Variants in SGCD observed in about 807,000 individuals in gnomAD.
SGCD encodes sarcoglycan delta, also known as delta-sarcoglycan.
A neutral mutation model predicts 36.6 loss-of-function variants in SGCD; 18 were observed. The ratio of observed to expected loss-of-function variants is 0.49; its 90% confidence interval spans 0.34 to 0.73. SGCD has a LOEUF of 0.73. Among genes scored for constraint, SGCD ranks in the 30% least tolerant of loss-of-function variants. SGCD has a pLI of 0.01. For synonymous variants in SGCD, 133 were observed against 130.6 expected, an observed-to-expected ratio of 1.02 and a Z score of -0.12; for missense variants, 387 against 346.7, an observed-to-expected ratio of 1.12 and a Z score of -0.92.
intron 6 of SGCD, among the ~76,000 whole-genome samples, chr5:156,637,441 G>A (rs917225756): frequency 1.3e-5 from 2 of 152,090 alleles, no homozygotes; most frequent in Admixed American, 1.3e-4. Context: ...TTTTCTCATG[G>A]TCAGAAGATG....
At chr5:156,444,107 TCTCTCTCTCCCCTTCC>T (rs1561699364) in intron 3 of SGCD, among the ~76,000 whole-genome samples, 4 of 102,338 alleles carry the variant, frequency 3.9e-5, no homozygotes, top group East Asian at 3.3e-4. Context: ...TCTCTCTCTC[TCTCTCTCTCCCCTTCC>T]CTCTCTCTCT....
intron 3 of SGCD, among the ~76,000 whole-genome samples, chr5:156,412,271 C>A (rs556453322): frequency 6.6e-6 from 1 of 152,176 alleles, no homozygotes; most frequent in African/African-American, 2.4e-5. Flanking sequence ...TTAGCGTGAG[C>A]CTCAGTTGAC....
At chr5:155,985,823 T>A (rs1416413250) in intron 1 of SGCD, among the ~76,000 whole-genome samples, 1 of 152,232 alleles carries the variant, frequency 6.6e-6, no homozygotes, top group Admixed American at 6.5e-5. Context: ...CCTGAGGAAC[T>A]GGTGGACAGT....
chr5:156,603,808 T>TA lies in SGCD; in HGVS notation c.502+8758dup, dbSNP rs780876559. 1.9e-4 allele frequency among the ~76,000 whole-genome samples: 29 copies of TA among 152,064 alleles called. 1 individual carries two copies. Among genetic ancestry groups the TA allele is most frequent in the Admixed American group, 1.8e-3 (27 of 15,278 alleles). On this transcript the variant is annotated intron_variant, in intron 6 of 8. Transcript: ENST00000337851. ...TTCTTTGTTAAGACTTGTTTTGTGG[T>TA]ATAACATGTGATCTATTTTGGAGAA...
intron 1 of SGCD, among the ~76,000 whole-genome samples, chr5:156,033,920 A>G (rs1291199085): frequency 6.6e-6 from 1 of 152,178 alleles, no homozygotes; most frequent in African/African-American, 2.4e-5. Flanking sequence ...TGCCAGCCAA[A>G]TCAAACTGTT....
chr5:156,137,509 G>A (rs939994473), intron 3 of SGCD, among the ~76,000 whole-genome samples: 6 of 151,828 alleles, frequency 4.0e-5, no homozygotes, highest in African/African-American at 9.7e-5. Flanking sequence ...AGTAGGTCTC[G>A]GTTTCTTCAT....
chr5:156,448,418 T>C (rs1051411107), intron 3 of SGCD, among the ~76,000 whole-genome samples: 1 of 152,174 alleles, frequency 6.6e-6, no homozygotes, highest in African/African-American at 2.4e-5. Flanking sequence ...ACCGTGAGGA[T>C]AAGAAGTAGT....
intron 3 of SGCD, among the ~76,000 whole-genome samples, chr5:156,211,235 A>G (rs374128936): frequency 6.6e-6 from 1 of 152,126 alleles, no homozygotes; most frequent in East Asian, 1.9e-4. Flanking sequence ...GGAGAGAGAA[A>G]GTCTTTCCCA....
At chr5:155,944,394 G>C (rs1421193119) in intron 1 of SGCD, among the ~76,000 whole-genome samples, 1 of 152,164 alleles carries the variant, frequency 6.6e-6, no homozygotes, top group Non-Finnish European at 1.5e-5. Flanking sequence ...GGCATGTGCT[G>C]TGCATTTATC....
intron 1 of SGCD, among the ~76,000 whole-genome samples, chr5:156,106,623 C>T (rs1161447337): frequency 3.3e-4 from 50 of 152,140 alleles, no homozygotes; most frequent in Admixed American, 6.6e-5. Context: ...TGTAATTAAC[C>T]ATGCACTGAC....
chr5:156,444,231 T>C (rs1333571208), intron 3 of SGCD, among the ~76,000 whole-genome samples: 1 of 151,118 alleles, frequency 6.6e-6, no homozygotes, highest in Non-Finnish European at 1.5e-5. Flanking sequence ...TCTCTCTCTC[T>C]CTCTGTGTTT....
chr5:156,691,206 C>CAAAAA (rs58947494), intron 7 of SGCD, among the ~76,000 whole-genome samples: 3,037 of 61,758 alleles, frequency 0.049, 490 homozygotes, highest in East Asian at 0.2. Flanking sequence ...GACTCTGTCT[C>CAAAAA]AAAAAAAAAA....
At chr5:155,731,014 C>A in the SGCD span, among the ~76,000 whole-genome samples, 2 of 152,070 alleles carry the variant, frequency 1.3e-5, no homozygotes, top group Non-Finnish European at 2.9e-5. Context: ...GAGCCAGGAG[C>A]TGGGGGCCAA....
intron 7 of SGCD, among the ~76,000 whole-genome samples, chr5:156,649,485 G>A (rs956230919): frequency 1.3e-5 from 2 of 152,112 alleles, no homozygotes; most frequent in African/African-American, 2.4e-5. Context: ...TGATAGACTG[G>A]ATTAAGAAAA....
intron 1 of SGCD, among the ~76,000 whole-genome samples, chr5:156,014,818 T>C (rs1406360897): frequency 5.3e-5 from 8 of 152,218 alleles, no homozygotes; most frequent in Admixed American, 5.2e-4. Context: ...TATGACGTTT[T>C]TGACTAATAC....
chr5:156,533,933 A>G (rs1182393695), intron 4 of SGCD, among the ~76,000 whole-genome samples: 1 of 152,210 alleles, frequency 6.6e-6, no homozygotes, highest in African/African-American at 2.4e-5. Flanking sequence ...CCACGTAGAC[A>G]ATAAATATTC....
At chr5:156,247,762 T>A (rs1038171328) in intron 3 of SGCD, among the ~76,000 whole-genome samples, 4 of 152,244 alleles carry the variant, frequency 2.6e-5, no homozygotes, top group Non-Finnish European at 1.5e-5. Flanking sequence ...TCATTTTTAG[T>A]GCTGTACTTT....
intron 3 of SGCD, among the ~76,000 whole-genome samples, chr5:156,180,117 T>C (rs9313831): frequency 0.29 from 44,704 of 152,098 alleles, 7,033 homozygotes; most frequent in East Asian, 0.57. Flanking sequence ...GATAATGTGC[T>C]TCAGTTTTCA....
chr5:156,362,742 A>G (rs1189625807), intron 3 of SGCD, among the ~76,000 whole-genome samples: 1 of 152,220 alleles, frequency 6.6e-6, no homozygotes, highest in African/African-American at 2.4e-5. Flanking sequence ...AACTTTTCCA[A>G]TAAGGGATAC....
Sources: gnomAD v4.1 joint callset for allele counts (sites outside exome capture counted in the v4.1 genomes callset) on GRCh38, gnomAD v4.1.1 for gene constraint, MANE v1.5 for transcripts, NCBI Gene and HGNC (gene_info 2026-07-23, HGNC 2026-07-21) for gene names.